The following MAGI1 variants were observed in gnomAD, a reference collection of about 807,000 sequenced individuals.
The protein encoded by MAGI1 is membrane associated guanylate kinase, WW and PDZ domain containing 1, also known as membrane-associated guanylate kinase, WW and PDZ domain-containing protein 1.
A neutral mutation model predicts 139.9 loss-of-function variants in MAGI1; 58 were observed. The observed-to-expected ratio is 0.41, with a 90% CI of 0.34 to 0.52. The LOEUF is 0.52. Among genes scored for constraint, MAGI1 ranks in the 20% least tolerant of loss-of-function variants. The pLI, the probability that MAGI1 is intolerant of heterozygous loss-of-function variation, is 0.12. For synonymous variants in MAGI1, 812 were observed against 737.9 expected, an observed-to-expected ratio of 1.10 and a Z score of -1.63; for missense variants, 1,874 against 1,901.6, an observed-to-expected ratio of 0.99 and a Z score of 0.27.
At chr3:65,481,367 G>A (rs1250627701) in intron 3 of MAGI1, among the ~76,000 whole-genome samples, 1 of 152,168 alleles carries the variant, frequency 6.6e-6, no homozygotes, top group Non-Finnish European at 1.5e-5. Flanking sequence ...TTCATTGAAG[G>A]TGTAAGTAAC....
intron 13 of MAGI1, among the ~76,000 whole-genome samples, chr3:65,394,000 G>C (rs1157342730): frequency 1.3e-5 from 2 of 152,074 alleles, no homozygotes; most frequent in Non-Finnish European, 2.9e-5. Context: ...TAAAAGTACT[G>C]GACCTGTCTC....
intron 2 of MAGI1, among the ~76,000 whole-genome samples, chr3:65,579,740 G>A (rs1411229762): frequency 6.6e-6 from 1 of 151,884 alleles, no homozygotes; most frequent in Non-Finnish European, 1.5e-5. Flanking sequence ...CCAGCTACTC[G>A]GGAGGCTGAG....
chr3:65,824,153 A>G (rs1387921067), intron 1 of MAGI1, among the ~76,000 whole-genome samples: 1 of 152,204 alleles, frequency 6.6e-6, no homozygotes, highest in Non-Finnish European at 1.5e-5. Context: ...AAAGGAATAA[A>G]AGTTATTTTG....
At chr3:65,792,147 G>C (rs2039821783) in intron 1 of MAGI1, among the ~76,000 whole-genome samples, 1 of 152,036 alleles carries the variant, frequency 6.6e-6, no homozygotes, top group Non-Finnish European at 1.5e-5. Context: ...GCTATTAATA[G>C]AAAACTAATA....
At chr3:65,394,782 T>A (rs986130316) in intron 13 of MAGI1, among the ~76,000 whole-genome samples, 1 of 152,068 alleles carries the variant, frequency 6.6e-6, no homozygotes, top group Non-Finnish European at 1.5e-5. Context: ...TGTTTATATA[T>A]CTCCCAAATT....
At chr3:65,369,555 C>T (rs1941780317) in intron 18 of MAGI1, among the ~76,000 whole-genome samples, 1 of 151,728 alleles carries the variant, frequency 6.6e-6, no homozygotes, top group Admixed American at 6.6e-5. Context: ...GTCTCCCAGC[C>T]TGGAGTGCAG....
At chr3:65,931,903 A>G (rs2062824292) in intron 1 of MAGI1, among the ~76,000 whole-genome samples, 1 of 152,142 alleles carries the variant, frequency 6.6e-6, no homozygotes, top group South Asian at 2.1e-4. Context: ...CAACTCATAG[A>G]AAAGCTTGAT....
At position 65,525,870 on chromosome 3, in the gene MAGI1, A is replaced by G. The variant is rs145132835; in HGVS notation, c.431-32239T>C. On this transcript the variant is annotated intron_variant, in intron 2 of 22. Transcript: ENST00000402939. ...ATTTCCTGAATACCCACTGTGTTCA[A>G]TCAGCGTGCCCCATATAAGGGAGGC... is the stretch of plus-strand genomic sequence containing the variant. 3.2e-3 allele frequency among the ~76,000 whole-genome samples: 488 copies of G among 152,320 alleles called. 1 individual carries two copies. The highest frequency in any genetic ancestry group is 0.011 in the African/African-American group (457 of 41,576).
intron 2 of MAGI1, among the ~76,000 whole-genome samples, chr3:65,564,173 T>G (rs1340803301): frequency 6.6e-6 from 1 of 151,822 alleles, no homozygotes; most frequent in African/African-American, 2.4e-5. Flanking sequence ...TGGAACGGAG[T>G]GCAGGGCTGG....
intron 7 of MAGI1, among the ~76,000 whole-genome samples, chr3:65,445,833 TCAGAG>T (rs1948641798): frequency 6.6e-6 from 1 of 152,214 alleles, no homozygotes; most frequent in African/African-American, 2.4e-5. Flanking sequence ...CCCACGCCTC[TCAGAG>T]GCCGATTACA....
chr3:65,580,143 G>A (rs534503760), intron 2 of MAGI1, among the ~76,000 whole-genome samples: 2 of 151,840 alleles, frequency 1.3e-5, no homozygotes, highest in East Asian at 3.9e-4. Flanking sequence ...TGAAAACATA[G>A]GAAAAAAATT....
chr3:65,462,578 C>T (rs1166776995), intron 5 of MAGI1, among the ~76,000 whole-genome samples: 2 of 152,150 alleles, frequency 1.3e-5, no homozygotes, highest in African/African-American at 2.4e-5. Flanking sequence ...GTTCTTTTTG[C>T]TTAGGATTGT....
At chr3:65,365,789 G>C (rs1941364395) in intron 18 of MAGI1, among the ~76,000 whole-genome samples, 1 of 152,114 alleles carries the variant, frequency 6.6e-6, no homozygotes, top group South Asian at 2.1e-4. Context: ...GCTTATAGTA[G>C]GCACTTTCGT....
At chr3:65,659,276 T>G in intron 1 of MAGI1, among the ~76,000 whole-genome samples, 1 of 152,014 alleles carries the variant, frequency 6.6e-6, no homozygotes. Flanking sequence ...AATGGAAAAT[T>G]CCAGGGAGTA....
Position 65,869,690 on chromosome 3 carries a change from G to A in MAGI1, c.313+168306C>T, listed in dbSNP as rs149008954. ...GCTGGAATTACAGGAGTGAGCCACC[G>A]CGCCCAGCCAAGACTGTTTTTTAAC... On this transcript the variant is annotated intron_variant, in intron 1 of 22. Coordinates refer to ENST00000402939, the MANE Select transcript of MAGI1 (RefSeq NM_001033057.2). Among the ~76,000 whole-genome samples, 557 of 152,100 alleles carry A rather than the reference G, an allele frequency of 3.7e-3. 9 individuals carry two copies. The highest frequency in any genetic ancestry group is 0.012 in the African/African-American group (508 of 41,504).
At chr3:65,908,428 G>A (rs1011558885) in intron 1 of MAGI1, among the ~76,000 whole-genome samples, 12 of 151,830 alleles carry the variant, frequency 7.9e-5, no homozygotes, top group African/African-American at 1.5e-4. Flanking sequence ...GGAATTACAG[G>A]CACCCACTAC....
At chr3:65,658,330 C>A (rs966665827) in intron 1 of MAGI1, among the ~76,000 whole-genome samples, 3 of 152,136 alleles carry the variant, frequency 2.0e-5, no homozygotes, top group African/African-American at 7.2e-5. Flanking sequence ...AGTACAGGAA[C>A]AAAACTTCCT....
In MAGI1 at chr3:65,379,347, T is replaced by G. The variant is rs1391584193; in HGVS notation, c.2909A>C (p.Asp970Ala). ...GTTCTCCCCGCGCCGGATCTCCACG[T>G]CGTAGGGCTGCACCACGGTGCTGAC... Reference protein sequence around the residue: ...GVVSTVVQPYDVEIRRGENEG... With the variant: ...GVVSTVVQPYAVEIRRGENEG... The change falls in exon 17 of 23, where the codon GAC (aspartate) becomes GCC (alanine). Residue 970 changes from aspartate to alanine, a missense_variant. Around this residue, in one of 5 missense-constraint regions of MAGI1, gnomAD observed 482 missense variants for 509.6 expected, o/e 0.95. Transcript: ENST00000402939. The G allele has an allele frequency of 6.2e-7, 1 of 1,613,200 alleles. No individual in the cohort carries two copies. The highest frequency in any genetic ancestry group is 1.3e-5 in the African/African-American group (1 of 74,878).
At chr3:65,936,429 G>A (rs185462932) in intron 1 of MAGI1, among the ~76,000 whole-genome samples, 4 of 152,074 alleles carry the variant, frequency 2.6e-5, no homozygotes, top group Non-Finnish European at 5.9e-5. Flanking sequence ...CCTGAGGGCA[G>A]GAGTTCGAGA....
Sources: allele counts gnomAD v4.1 joint callset (sites outside exome capture counted in the v4.1 genomes callset), GRCh38; gene constraint gnomAD v4.1.1; regional missense constraint gnomAD v4.1.1; transcripts MANE v1.5; gene names NCBI Gene and HGNC (gene_info 2026-07-23, HGNC 2026-07-21).